TRIM23: variants seen among roughly 807,000 people sequenced by gnomAD.
The protein encoded by TRIM23 is tripartite motif containing 23.
A neutral mutation model predicts 71.0 loss-of-function variants in TRIM23; 27 were observed. That is an observed-to-expected ratio of 0.38 (90% confidence interval 0.28 to 0.52). The LOEUF is 0.52. TRIM23 is among the 20% of genes least tolerant of loss of function. The probability of loss-of-function intolerance (pLI) is 0.84; values close to 1 mark genes in which losing one functional copy is unlikely to be tolerated. For synonymous variants in TRIM23, 234 were observed against 238.0 expected (o/e 0.98, Z 0.16); for missense variants, 482 against 692.3 (o/e 0.70, Z 3.41).
At chr5:65,623,045 G>C (rs1561754659) in intron 1 of TRIM23, among the ~76,000 whole-genome samples, 1 of 152,130 alleles carries the variant, frequency 6.6e-6, no homozygotes, top group Non-Finnish European at 1.5e-5. Flanking sequence ...CCGTGTACCT[G>C]TAGAATAACT....
At chr5:65,614,072 A>G in intron 3 of TRIM23, 26 bp downstream of exon 3, 1 of 1,601,772 alleles carries the variant, frequency 6.2e-7, no homozygotes, top group Non-Finnish European at 8.5e-7. Context: ...GCTCGTAACA[A>G]ATATTTCACC....
At chr5:65,619,582 G>A (rs1754870345) in intron 1 of TRIM23, among the ~76,000 whole-genome samples, 1 of 152,176 alleles carries the variant, frequency 6.6e-6, no homozygotes, top group Admixed American at 6.5e-5. Context: ...TGCTTGAGAT[G>A]CAAATATCTT....
rs1754016595 is a variant in TRIM23 at position 65,591,309 on chromosome 5, T to C, written c.*460A>G. On this transcript the variant is annotated 3_prime_UTR_variant, in exon 11 of 11. Transcript: ENST00000231524. The stretch of plus-strand genomic sequence containing the variant: ...TCTATTTCATTAAGCAACTGTCATT[T>C]CTACTACTAAATGCTGCCAACATTC... 2 of 1,404,030 alleles carry C rather than the reference T, an allele frequency of 1.4e-6. No individual in the cohort carries two copies. Among genetic ancestry groups the C allele is most frequent in the Non-Finnish European group, 9.3e-7 (1 of 1,079,652 alleles). The allele number at this position is 1,404,030 out of a possible 1,614,324, so 87.0% of individuals were successfully genotyped here.
rs377515915 is a variant in TRIM23 at position 65,611,837 on chromosome 5, T to C, written c.411A>G (p.Val137=). Residue 137 remains valine, a synonymous_variant, in exon 4 of 11, where the codon GTA becomes GTG. Transcript: ENST00000231524. ...AATGAGTTGCACACACAGTGCAATA[T>C]ACAGAGGCAAGGTGAGCTTCATCTT... ...CDEDEAHLAS[V]YCTVCATHLC... 1.2e-6 allele frequency: 2 copies of C among 1,613,968 alleles called. No homozygotes were observed. Among genetic ancestry groups the C allele is most frequent in the African/African-American group, 2.7e-5 (2 of 74,936 alleles).
intron 10 of TRIM23, among the ~76,000 whole-genome samples, chr5:65,593,201 G>C (rs555896094): frequency 1.3e-5 from 2 of 152,294 alleles, no homozygotes; most frequent in South Asian, 4.1e-4. Context: ...TTGGGAGGAT[G>C]AGGCGGGCAG....
At chr5:65,608,319 C>G (rs1246613199) in intron 6 of TRIM23, among the ~76,000 whole-genome samples, 1 of 151,964 alleles carries the variant, frequency 6.6e-6, no homozygotes, top group East Asian at 1.9e-4. Flanking sequence ...CCTAGTATCA[C>G]AAAATAGAGG....
rs145344493 is a variant in TRIM23 at position 65,613,289 on chromosome 5, A to T, written c.366+809T>A. Reference sequence around the variant, plus strand: ...ACAGAAAGAACTGCATAACTTTTAGAAAACAGAGTGTTGCAGTTTGAAATT... The same window carrying T: ...ACAGAAAGAACTGCATAACTTTTAGTAAACAGAGTGTTGCAGTTTGAAATT... On this transcript the variant is annotated intron_variant, in intron 3 of 10. Coordinates refer to ENST00000231524, the MANE Select transcript of TRIM23 (RefSeq NM_001656.4). Among the ~76,000 whole-genome samples the T allele has an allele frequency of 3.6e-3, 545 of 152,348 alleles. 1 individual carries two copies. The highest frequency in any genetic ancestry group is 0.012 in the African/African-American group (502 of 41,598).
At chr5:65,611,119 T>G in intron 4 of TRIM23, 76 bp from the exon 5 acceptor site, 1 of 1,317,766 alleles carries the variant, frequency 7.6e-7, no homozygotes, top group Non-Finnish European at 1.0e-6. Context: ...TAAATCCCTA[T>G]TAATACAAAA....
rs1420441271 is a variant in TRIM23, at chr5:65,591,913, A to C, written c.1581T>G (p.Thr527=). ...ATAATTTATGGAGACTGAGTAGTTC[A>C]GTGATTTCTTCTACTGACAGTGCTC... The part of the protein sequence containing the change: ...VAGALSVEEI[T]ELLSLHKLCC... The change falls in exon 11 of 11, where the codon ACT becomes ACG. Residue 527 remains threonine (T), a synonymous_variant. Coordinates refer to ENST00000231524, the MANE Select transcript of TRIM23 (RefSeq NM_001656.4). 6.2e-7 allele frequency: 1 copy of C among 1,613,662 alleles called. No homozygotes were observed. The highest frequency in any genetic ancestry group is 8.5e-7 in the Non-Finnish European group (1 of 1,179,812).
intron 7 of TRIM23, among the ~76,000 whole-genome samples, chr5:65,601,890 C>A (rs1336784143): frequency 1.3e-5 from 2 of 152,166 alleles, no homozygotes; most frequent in Non-Finnish European, 2.9e-5. Context: ...AGCTGGGACT[C>A]AGGGCATCAA....
At chr5:65,594,794 G>T (rs1293803616) in intron 9 of TRIM23, 149 bp from the exon 10 acceptor site, 2 of 640,516 alleles carry the variant, frequency 3.1e-6, no homozygotes, top group Admixed American at 7.9e-5. Context: ...TATGGCAGGG[G>T]CACCTACAAA....
At chr5:65,604,102 T>C (rs1754433954) in intron 7 of TRIM23, among the ~76,000 whole-genome samples, 1 of 151,868 alleles carries the variant, frequency 6.6e-6, no homozygotes, top group Non-Finnish European at 1.5e-5. Context: ...ATGTTTGTTT[T>C]GTTTTGTTTT....
At chr5:65,606,377 C>T (rs1460931314) in intron 6 of TRIM23, among the ~76,000 whole-genome samples, 1 of 149,872 alleles carries the variant, frequency 6.7e-6, no homozygotes, top group Non-Finnish European at 1.5e-5. Flanking sequence ...GCCCAGGAGG[C>T]AGAAGGTATA....
chr5:65,602,607 T>C (rs1554125008), intron 7 of TRIM23, among the ~76,000 whole-genome samples: 2 of 152,110 alleles, frequency 1.3e-5, no homozygotes, highest in Non-Finnish European at 2.9e-5. Flanking sequence ...TTTACTGTAT[T>C]AGTCCATTTT....
intron 7 of TRIM23, among the ~76,000 whole-genome samples, chr5:65,601,775 A>G (rs1180857542): frequency 6.6e-6 from 1 of 152,162 alleles, no homozygotes; most frequent in East Asian, 1.9e-4. Context: ...ACTTCTGTGC[A>G]CCCACAGGCT....
chr5:65,618,130 T>C lies in TRIM23; in HGVS notation c.207A>G (p.Ala69=). 6.2e-7 allele frequency: 1 copy of C among 1,613,740 alleles called. No individual in the cohort carries two copies. Among genetic ancestry groups the C allele is most frequent in the Non-Finnish European group, 8.5e-7 (1 of 1,179,864 alleles). The change falls in exon 2 of 11, where the codon GCA becomes GCG. Residue 69 remains alanine, a synonymous_variant. Transcript: ENST00000231524. ...CTTGTCGATCAAATGGGCAACGGAT[T>C]GCTCTTCCATGAAGAGGTAGGCGAG... The part of the protein sequence containing the change: ...CLTRLPLHGR[A]IRCPFDRQVT...
chr5:65,605,597 T>C (rs963683797), intron 6 of TRIM23, among the ~76,000 whole-genome samples: 1 of 152,142 alleles, frequency 6.6e-6, no homozygotes. Flanking sequence ...TCTATGTCTA[T>C]AAAAAGTTTA....
chr5:65,622,186 G>A (rs1754965060), intron 1 of TRIM23, among the ~76,000 whole-genome samples: 1 of 151,928 alleles, frequency 6.6e-6, no homozygotes, highest in South Asian at 2.1e-4. Flanking sequence ...TTATTTTTCA[G>A]ATGGAGTCTC....
chr5:65,620,815 C>T (rs1440744168), intron 1 of TRIM23, among the ~76,000 whole-genome samples: 1 of 152,132 alleles, frequency 6.6e-6, no homozygotes, highest in African/African-American at 2.4e-5. Flanking sequence ...GTGGCTCACA[C>T]CTGTAATCAC....
Sources: gnomAD v4.1 joint callset for allele counts (sites outside exome capture counted in the v4.1 genomes callset) on GRCh38, gnomAD v4.1.1 for gene constraint, MANE v1.5 for transcripts, NCBI Gene and HGNC (gene_info 2026-07-23, HGNC 2026-07-21) for gene names.